The following GREB1L variants were observed in gnomAD, a reference collection of about 807,000 sequenced individuals.
GREB1L encodes the protein GREB1-like protein.
In GREB1L, 17 loss-of-function variants were observed where a neutral mutation model predicts 200.8. The observed-to-expected ratio is 0.08, with a 90% CI of 0.06 to 0.13. GREB1L has a LOEUF of 0.13. Ranked by LOEUF, GREB1L falls within the 10% of genes least tolerant of loss-of-function variation. GREB1L has a pLI of 1.00. For missense variants in GREB1L, 1,657 were observed against 2,367.7 expected (o/e 0.70, Z 6.23); for synonymous variants, 789 against 893.0 (o/e 0.88, Z 2.08).
At chr18:21,390,229 G>T (rs1183619604) in intron 4 of GREB1L, among the ~76,000 whole-genome samples, 1 of 151,844 alleles carries the variant, frequency 6.6e-6, no homozygotes, top group Admixed American at 6.6e-5. Context: ...GGTAATAAAT[G>T]TTATTTTTTA....
At chr18:21,268,863 T>C (rs1168426005) in intron 1 of GREB1L, among the ~76,000 whole-genome samples, 2 of 151,622 alleles carry the variant, frequency 1.3e-5, no homozygotes, top group East Asian at 3.9e-4. Flanking sequence ...GGATTACAGG[T>C]GTGAGCCACT....
At chr18:21,397,539 A>T (rs1030485480) in intron 5 of GREB1L, among the ~76,000 whole-genome samples, 36 of 118,646 alleles carry the variant, frequency 3.0e-4, no homozygotes, top group Non-Finnish European at 1.5e-4. Context: ...AAAAAAAAAA[A>T]AAAATAATAA....
chr18:21,289,549 A>G (rs1435373962), intron 1 of GREB1L, among the ~76,000 whole-genome samples: 4 of 151,852 alleles, frequency 2.6e-5, no homozygotes, highest in African/African-American at 9.7e-5. Context: ...CCCCCCCGCA[A>G]AAAAAAGGCT....
At chr18:21,266,464 G>A (rs1052606335) in intron 1 of GREB1L, among the ~76,000 whole-genome samples, 4 of 152,292 alleles carry the variant, frequency 2.6e-5, no homozygotes, top group East Asian at 1.9e-4. Flanking sequence ...CAGAGCTTCA[G>A]GGATTTTGTG....
intron 7 of GREB1L, among the ~76,000 whole-genome samples, chr18:21,438,775 G>A (rs1407403213): frequency 6.6e-6 from 1 of 151,458 alleles, no homozygotes; most frequent in East Asian, 1.9e-4. Context: ...TGGCTAACAC[G>A]GTGAAACCCC....
At chr18:21,505,755 G>A in intron 24 of GREB1L, 55 bp from the exon 25 acceptor site, 1 of 1,502,734 alleles carries the variant, frequency 6.7e-7, no homozygotes, top group South Asian at 1.3e-5. Context: ...TTTCTTTCCA[G>A]GCATAGGGAA....
intron 7 of GREB1L, among the ~76,000 whole-genome samples, chr18:21,418,738 T>C (rs1473160117): frequency 2.0e-5 from 3 of 152,188 alleles, no homozygotes; most frequent in Non-Finnish European, 4.4e-5. Flanking sequence ...TTGGCCAGGC[T>C]GGTTTCGAGC....
chr18:21,320,523 G>GAA (rs777451933), intron 1 of GREB1L, among the ~76,000 whole-genome samples: 10 of 152,100 alleles, frequency 6.6e-5, no homozygotes, highest in African/African-American at 2.2e-4. Context: ...CAGCACTTTG[G>GAA]GAGGCCGAGA....
intron 1 of GREB1L, among the ~76,000 whole-genome samples, chr18:21,340,331 A>T (rs2039249791): frequency 6.6e-6 from 1 of 151,772 alleles, no homozygotes; most frequent in Non-Finnish European, 1.5e-5. Flanking sequence ...GAGGCAGGGG[A>T]ATGGCGTGAA....
Position 21,403,932 on chromosome 18 carries a change from C to G in GREB1L, c.770C>G (p.Ser257Trp). The change falls in exon 7 of 33, where the codon TCG becomes TGG. Residue 257 changes from serine (S) to tryptophan (W), a missense_variant. Coordinates refer to ENST00000424526, the MANE Select transcript of GREB1L (RefSeq NM_001142966.3). ...CHSIKPSSSV[S>W]STVTPENGTT... The stretch of plus-strand genomic sequence containing the variant: ...TCTATTAAGCCAAGCTCTTCAGTGT[C>G]GTCAACTGTGACCCCAGAAAATGGG... 6.4e-7 allele frequency: 1 copy of G among 1,550,442 alleles called. No individual in the cohort carries two copies. The highest frequency in any genetic ancestry group is 8.7e-7 in the Non-Finnish European group (1 of 1,145,568).
intron 1 of GREB1L, among the ~76,000 whole-genome samples, chr18:21,314,203 A>G (rs748078826): frequency 6.6e-6 from 1 of 152,202 alleles, no homozygotes. Context: ...CCAAGTTGCT[A>G]TGGTGAGGAT....
chr18:21,516,224 G>A (rs1039873903), intron 29 of GREB1L, among the ~76,000 whole-genome samples: 1 of 152,138 alleles, frequency 6.6e-6, no homozygotes. Context: ...CCAAACTTAC[G>A]GTTATAGAAT....
chr18:21,280,122 G>A (rs758356106), intron 1 of GREB1L, among the ~76,000 whole-genome samples: 11 of 152,170 alleles, frequency 7.2e-5, no homozygotes, highest in Non-Finnish European at 1.6e-4. Context: ...AGTTTCATCT[G>A]TTACTATTAG....
At chr18:21,475,792 C>A (rs2035667439) in intron 16 of GREB1L, among the ~76,000 whole-genome samples, 1 of 151,582 alleles carries the variant, frequency 6.6e-6, no homozygotes, top group South Asian at 2.1e-4. Flanking sequence ...CATGGTGAAA[C>A]CCCATCTCTA....
intron 7 of GREB1L, among the ~76,000 whole-genome samples, chr18:21,418,022 A>T (rs2031810744): frequency 6.6e-6 from 1 of 151,966 alleles, no homozygotes; most frequent in African/African-American, 2.4e-5. Flanking sequence ...CACTGAAAAT[A>T]GTAACTGCAT....
intron 1 of GREB1L, among the ~76,000 whole-genome samples, chr18:21,261,658 C>T (rs1263487202): frequency 6.6e-6 from 1 of 152,046 alleles, no homozygotes; most frequent in Non-Finnish European, 1.5e-5. Context: ...GACACTGTAG[C>T]ATGCCAATAA....
chr18:21,298,291 C>G (rs779408326), intron 1 of GREB1L, among the ~76,000 whole-genome samples: 55 of 152,156 alleles, frequency 3.6e-4, no homozygotes, highest in Admixed American at 2.0e-4. Context: ...CTCTCTTTCT[C>G]TCTTTGTCTC....
At chr18:21,442,252 T>A (rs1447157285) in intron 10 of GREB1L, among the ~76,000 whole-genome samples, 1 of 152,214 alleles carries the variant, frequency 6.6e-6, no homozygotes, top group Admixed American at 6.5e-5. Context: ...AGAAGGAGAC[T>A]GCTTGCTCTA....
At chr18:21,457,269 A>C (rs2034810881) in intron 15 of GREB1L, among the ~76,000 whole-genome samples, 1 of 148,300 alleles carries the variant, frequency 6.7e-6, no homozygotes, top group Non-Finnish European at 1.5e-5. Flanking sequence ...TAAGCTTAGA[A>C]TCCAGAAAAA....
Sources: allele counts gnomAD v4.1 joint callset (sites outside exome capture counted in the v4.1 genomes callset), GRCh38; gene constraint gnomAD v4.1.1; transcripts MANE v1.5; gene names NCBI Gene and HGNC (gene_info 2026-07-23, HGNC 2026-07-21).